HECTD4: variants seen among roughly 807,000 people sequenced by gnomAD.
The protein encoded by HECTD4 is probable E3 ubiquitin-protein ligase HECTD4.
Under a neutral mutation model 471.5 loss-of-function variants are expected in HECTD4, and 114 were observed. That is an observed-to-expected ratio of 0.24 (90% CI 0.21 to 0.28). The LOEUF (loss-of-function observed/expected upper bound fraction) is 0.28. HECTD4 is among the 10% of genes least tolerant of loss of function. HECTD4 has a pLI of 1.00. For missense variants in HECTD4, 3,866 were observed against 5,651.5 expected (o/e 0.68, Z 10.13); for synonymous variants, 2,012 against 2,256.0 (o/e 0.89, Z 3.07).
intron 47 of HECTD4, 119 bp downstream of exon 47, chr12:112,216,654 T>G (rs2032925648): frequency 4.3e-6 from 5 of 1,159,924 alleles, no homozygotes; most frequent in Non-Finnish European, 6.1e-6. Context: ...GGAAAAATAA[T>G]GCTCTCCTTT....
rs1272745257 is a variant in HECTD4 at position 112,265,430 on chromosome 12, T to C, written c.2499-135A>G. The C allele has an allele frequency of 8.7e-6, 5 of 576,910 alleles. No homozygotes were observed. In the East Asian group the frequency reaches 1.5e-4, roughly 18 times the overall value. The allele number at this position is 576,910 out of a possible 1,614,324, so 35.7% of individuals were successfully genotyped here. A position where few individuals can be genotyped will look rare whatever the true frequency, so the allele number is the denominator to read the frequency against. The stretch of plus-strand genomic sequence containing the variant: ...CTTAAGCAAATCACCTTAGTAATAA[T>C]GCTAACAACTAGGTATATTATTTAA... On this transcript the variant is annotated intron_variant, in intron 15 of 75. Coordinates refer to ENST00000682272, the MANE Select transcript of HECTD4 (RefSeq NM_001388303.1).
chr12:112,183,319 G>C, intron 61 of HECTD4, 53 bp from the exon 62 acceptor site: 2 of 1,388,532 alleles, frequency 1.4e-6, no homozygotes, highest in South Asian at 1.2e-5. Context: ...CAGTCATTCA[G>C]TGTGAGTGAA....
rs2034588114 is a variant in HECTD4, at chr12:112,279,335, T to C, written c.1580A>G (p.Tyr527Cys). 6.2e-6 allele frequency: 10 copies of C among 1,611,292 alleles called. No homozygotes were observed. Among genetic ancestry groups the C allele is most frequent in the Non-Finnish European group, 8.5e-6 (10 of 1,179,426 alleles). Residue 527 changes from tyrosine (Y) to cysteine (C), a missense_variant, in exon 9 of 76, where the codon TAT becomes TGT. By Grantham distance (194) the Tyr-to-Cys change is radical. Around this residue, in one of 16 missense-constraint regions of HECTD4, gnomAD observed 525 missense variants for 672.6 expected, o/e 0.78. Coordinates refer to ENST00000682272, the MANE Select transcript of HECTD4 (RefSeq NM_001388303.1). ...CATCACCAAGTAGGTGCCACAGGTA[T>C]ATATGGGTGTCTTCCGCAGCATTTT... ...PLKMLRKTPIYTCGTYLVMLV... is the reference protein window; with the variant it reads ...PLKMLRKTPICTCGTYLVMLV...
Position 112,193,519 on chromosome 12 carries a change from C to T in HECTD4, c.8905G>A (p.Gly2969Ser), listed in dbSNP as rs767409810. 1.4e-5 allele frequency: 22 copies of T among 1,612,218 alleles called. No homozygotes were observed. The highest frequency in any genetic ancestry group is 1.8e-5 in the Non-Finnish European group (21 of 1,179,284). Residue 2969 changes from glycine to serine, a missense_variant, in exon 57 of 76, where the codon GGC becomes AGC. Gly to Ser is a moderately conservative substitution (Grantham distance 56). Transcript: ENST00000682272. The surrounding 1 kb of genome is among the most constrained non-coding windows in gnomAD (Gnocchi z 5.2). Reference protein sequence around the residue: ...NVAITRTLHQGEESLLELTKQ... With the variant: ...NVAITRTLHQSEESLLELTKQ... ...GTCAGCTCTAAAAGGCTCTCCTCGC[C>T]CTGGTGCAGGGTCCGGGTGATGGCC... is the stretch of plus-strand genomic sequence containing the variant.
chr12:112,185,234 G>GGCC lies in HECTD4; in HGVS notation c.9729_9731dup (p.Ala3244dup). Reference sequence around the variant, plus strand: ...ACGTAGAGAACCTGCCCTGGTCACCGGCCGCCGCCCCCCCGGAGCCCCCGC... The same window carrying GGCC: ...ACGTAGAGAACCTGCCCTGGTCACCGGCCGCCGCCGCCCCCCCGGAGCCCCCGC... On this transcript the variant is annotated inframe_insertion, in exon 61 of 76. Transcript: ENST00000682272. 1 of 1,550,664 alleles carries GGCC rather than the reference G, an allele frequency of 6.4e-7. No homozygotes were observed.
chr12:112,271,860 A>T (rs1390661677), intron 11 of HECTD4, among the ~76,000 whole-genome samples: 4 of 151,982 alleles, frequency 2.6e-5, no homozygotes, highest in African/African-American at 9.7e-5. Context: ...TAATTTTTTT[A>T]AACTTGGATT....
intron 14 of HECTD4, among the ~76,000 whole-genome samples, chr12:112,266,266 G>A (rs1358224237): frequency 1.3e-5 from 2 of 152,080 alleles, no homozygotes; most frequent in Non-Finnish European, 2.9e-5. Flanking sequence ...AGTACCTTTT[G>A]TTGTGTTGTT....
Position 112,308,760 on chromosome 12 carries a change from G to A in HECTD4, c.1157C>T (p.Thr386Ile), listed in dbSNP as rs1179526808. 8.5e-6 allele frequency: 13 copies of A among 1,535,190 alleles called. No individual in the cohort carries two copies. Among genetic ancestry groups the A allele is most frequent in the African/African-American group, 1.4e-5 (1 of 72,982 alleles). Reference sequence around the variant, plus strand: ...CCTTGGTTTTCTGTTTACCTGAAGGGTGTTCTGGTCAATGACCTGGAAAAG... The same window carrying A: ...CCTTGGTTTTCTGTTTACCTGAAGGATGTTCTGGTCAATGACCTGGAAAAG... ...HSLFQVIDQN[T>I]LQVCQVVPMP... Residue 386 changes from threonine to isoleucine, a missense_variant, in exon 6 of 76, where the codon ACC becomes ATC. Transcript: ENST00000682272.
chr12:112,324,154 A>C (rs192158142), intron 1 of HECTD4, among the ~76,000 whole-genome samples: 14 of 141,276 alleles, frequency 9.9e-5, no homozygotes, highest in Admixed American at 4.5e-4. Flanking sequence ...GGTCTCACTC[A>C]CCCAGGCTGG....
intron 50 of HECTD4, among the ~76,000 whole-genome samples, chr12:112,208,863 A>G (rs1228136297): frequency 6.7e-6 from 1 of 149,060 alleles, no homozygotes; most frequent in Non-Finnish European, 1.5e-5. Context: ...GACTTTAGAA[A>G]GTCCTTCACT....
chr12:112,199,609 T>A (rs2032352007), intron 55 of HECTD4, among the ~76,000 whole-genome samples: 1 of 152,220 alleles, frequency 6.6e-6, no homozygotes, highest in South Asian at 2.1e-4. Context: ...CATTTTAAGA[T>A]GGAAAGGAAT....
At chr12:112,290,788 C>T (rs1482587486) in intron 7 of HECTD4, among the ~76,000 whole-genome samples, 10 of 144,336 alleles carry the variant, frequency 6.9e-5, no homozygotes, top group African/African-American at 1.1e-4. Flanking sequence ...GAGGAGGTTG[C>T]GGTGAGCTGA....
At chr12:112,329,944 TCTA>T (rs965431387) in intron 1 of HECTD4, among the ~76,000 whole-genome samples, 1 of 152,030 alleles carries the variant, frequency 6.6e-6, no homozygotes, top group Non-Finnish European at 1.5e-5. Context: ...AGACCCCATC[TCTA>T]CTTTTTTTAA....
At chr12:112,324,671 T>C (rs559002003) in intron 1 of HECTD4, among the ~76,000 whole-genome samples, 6 of 152,284 alleles carry the variant, frequency 3.9e-5, no homozygotes, top group East Asian at 1.9e-4. Flanking sequence ...CTATTTTCAT[T>C]TGTTTTTTAG....
At chr12:112,275,246 G>C (rs1016443344) in intron 9 of HECTD4, among the ~76,000 whole-genome samples, 7 of 152,144 alleles carry the variant, frequency 4.6e-5, no homozygotes, top group Non-Finnish European at 1.0e-4. Flanking sequence ...TATCAAAAGG[G>C]TAACTGCAAG....
At chr12:112,309,869 AC>A (rs1486625457) in intron 4 of HECTD4, among the ~76,000 whole-genome samples, 200 bp from the exon 5 acceptor site, 2 of 152,188 alleles carry the variant, frequency 1.3e-5, no homozygotes, top group Non-Finnish European at 2.9e-5. Context: ...TGGACCAGAG[AC>A]CAAGATATGG....
chr12:112,250,988 C>T lies in HECTD4; in HGVS notation c.3699G>A (p.Arg1233=), dbSNP rs1235458748. 6 of 1,611,762 alleles carry T rather than the reference C, an allele frequency of 3.7e-6. No individual in the cohort carries two copies. The highest frequency in any genetic ancestry group is 5.1e-6 in the Non-Finnish European group (6 of 1,179,046). Residue 1233 remains arginine (R), a synonymous_variant, in exon 24 of 76, where the codon CGG becomes CGA. Coordinates refer to ENST00000682272, the MANE Select transcript of HECTD4 (RefSeq NM_001388303.1). ...TTTGTTACCTTTGTAAAAGTTTGGA[C>T]CGCAATAGCTCCTGACAGGCTTCTT... ...KEEEACQELL[R]SKLLQRCQWQ... is the part of the protein sequence containing the mutation.
At chr12:112,368,272 T>C (rs1163217849) in intron 1 of HECTD4, among the ~76,000 whole-genome samples, 1 of 152,194 alleles carries the variant, frequency 6.6e-6, no homozygotes, top group African/African-American at 2.4e-5. Context: ...TAATAGCACT[T>C]TCTAAACTAC....
Position 112,179,239 on chromosome 12 carries a change from G to A in HECTD4, c.11146C>T (p.Leu3716Phe). 1 of 1,613,866 alleles carries A rather than the reference G, an allele frequency of 6.2e-7. No homozygotes were observed. The highest frequency in any genetic ancestry group is 8.5e-7 in the Non-Finnish European group (1 of 1,179,844). ...ACATTGGTGAAGAAGAGGTGGAGGA[G>A]GTTGCCTGGGGTCTGGGAGTTGATC... ...EQINSQTPGN[L>F]LHLFFTNVRP... The change falls in exon 63 of 76, where the codon CTC becomes TTC. Residue 3716 changes from leucine to phenylalanine, a missense_variant. By Grantham distance (22) the Leu-to-Phe change is conservative. Around this residue, in one of 16 missense-constraint regions of HECTD4, gnomAD observed 715 missense variants for 1,087.6 expected, o/e 0.66. Transcript: ENST00000682272. This position sits in a 1 kb window ranked among gnomAD's most constrained non-coding sequence, Gnocchi z 4.3.
Sources: gnomAD v4.1 joint callset for allele counts (sites outside exome capture counted in the v4.1 genomes callset) on GRCh38, gnomAD v4.1.1 for gene constraint, gnomAD v4.1.1 regional missense constraint, Gnocchi (gnomAD v3.1) non-coding constraint, MANE v1.5 for transcripts, NCBI Gene and HGNC (gene_info 2026-07-23, HGNC 2026-07-21) for gene names.